RAMP1: variants seen among roughly 807,000 people sequenced by gnomAD.
The protein encoded by RAMP1 is receptor activity-modifying protein 1.
A neutral mutation model predicts 8.2 loss-of-function variants in RAMP1; 7 were observed. That is an observed-to-expected ratio of 0.85 (90% CI 0.49 to 1.60). The LOEUF is 1.60. RAMP1 is among the 40% of genes most tolerant of loss of function. The probability of loss-of-function intolerance (pLI) is 0.00; values close to 1 mark genes in which losing one functional copy is unlikely to be tolerated. For missense variants in RAMP1, 192 were observed against 202.4 expected, an observed-to-expected ratio of 0.95 and a Z score of 0.31; for synonymous variants, 92 against 84.7, an observed-to-expected ratio of 1.09 and a Z score of -0.47.
chr2:237,896,253 G>A (rs756057849), intron 2 of RAMP1, among the ~76,000 whole-genome samples: 4 of 152,232 alleles, frequency 2.6e-5, no homozygotes, highest in African/African-American at 9.6e-5. Flanking sequence ...TATTATGCCC[G>A]TCCGCCCGCC....
chr2:237,895,927 G>A (rs1309536689), intron 2 of RAMP1, among the ~76,000 whole-genome samples: 1 of 152,208 alleles, frequency 6.6e-6, no homozygotes, highest in Non-Finnish European at 1.5e-5. Flanking sequence ...GGCCTGGACA[G>A]GCCTGAGTGT....
At chr2:237,859,783 T>TCTCCC in intron 1 of RAMP1, 56 bp downstream of exon 1, 2 of 1,328,122 alleles carry the variant, frequency 1.5e-6, no homozygotes, top group Non-Finnish European at 2.0e-6. Context: ...GCCGGTGTCC[T>TCTCCC]CTAGGGGAGA....
At chr2:237,863,504 GCCA>G (rs1003622016) in intron 1 of RAMP1, among the ~76,000 whole-genome samples, 14 of 152,282 alleles carry the variant, frequency 9.2e-5, no homozygotes, top group Admixed American at 4.6e-4. Context: ...CGTCAACACG[GCCA>G]CCATAGGAGG....
intron 2 of RAMP1, among the ~76,000 whole-genome samples, chr2:237,907,583 C>T (rs2062666534): frequency 6.6e-6 from 1 of 151,926 alleles, no homozygotes; most frequent in Admixed American, 6.6e-5. Context: ...CCTCAGTTTT[C>T]GTGTCTGCTG....
intron 1 of RAMP1, among the ~76,000 whole-genome samples, chr2:237,876,590 C>G (rs2151008369): frequency 6.6e-6 from 1 of 152,296 alleles, no homozygotes; most frequent in Non-Finnish European, 1.5e-5. Context: ...GAGGCTCAGC[C>G]TGAGGAGGAA....
chr2:237,908,453 G>A (rs2062675072), intron 2 of RAMP1, among the ~76,000 whole-genome samples: 2 of 101,266 alleles, frequency 2.0e-5, no homozygotes, highest in African/African-American at 6.3e-5. Context: ...TTGAGACAGA[G>A]TCTTGCTCTG....
At chr2:237,893,209 T>A (rs1421316133) in intron 2 of RAMP1, among the ~76,000 whole-genome samples, 1 of 152,212 alleles carries the variant, frequency 6.6e-6, no homozygotes, top group Non-Finnish European at 1.5e-5. Flanking sequence ...TTCCATTGTC[T>A]CTGGGTGTTT....
intron 1 of RAMP1, among the ~76,000 whole-genome samples, chr2:237,867,849 T>C (rs941791499): frequency 2.5e-4 from 38 of 152,172 alleles, no homozygotes; most frequent in African/African-American, 8.7e-4. Context: ...CTTCCCAAGA[T>C]ACAGGTTGTG....
intron 2 of RAMP1, among the ~76,000 whole-genome samples, chr2:237,885,268 G>A (rs1160130893): frequency 6.6e-6 from 1 of 152,182 alleles, no homozygotes; most frequent in East Asian, 1.9e-4. Context: ...TGTCCTCCTG[G>A]ATTTCTGCTG....
At chr2:237,885,322 C>T (rs1289611973) in intron 2 of RAMP1, among the ~76,000 whole-genome samples, 1 of 152,208 alleles carries the variant, frequency 6.6e-6, no homozygotes, top group African/African-American at 2.4e-5. Flanking sequence ...TTCACAGAGC[C>T]CTGCCCGCCG....
At chr2:237,873,186 T>A (rs1212360696) in intron 1 of RAMP1, among the ~76,000 whole-genome samples, 1 of 152,220 alleles carries the variant, frequency 6.6e-6, no homozygotes, top group Non-Finnish European at 1.5e-5. Context: ...CACTCTCTGT[T>A]TAGCCACCAC....
intron 1 of RAMP1, among the ~76,000 whole-genome samples, chr2:237,870,893 C>A (rs1189468995): frequency 1.3e-5 from 2 of 152,286 alleles, no homozygotes; most frequent in African/African-American, 4.8e-5. Context: ...GCACAGCAAC[C>A]CCATCCAGCA....
chr2:237,881,250 T>C lies in RAMP1; in HGVS notation c.191+3888T>C, dbSNP rs7573445. Among the ~76,000 whole-genome samples, 967 of 152,344 alleles carry C rather than the reference T, an allele frequency of 6.3e-3. 19 individuals are homozygous for C. The East Asian group carries it at 0.073, about 12-fold the overall frequency. Reference sequence around the variant, plus strand: ...TGTCAGTGCAGAGGGAGCCTCCTCCTTCATTTTTACAGCTGTATAGTACTC... The same window carrying C: ...TGTCAGTGCAGAGGGAGCCTCCTCCCTCATTTTTACAGCTGTATAGTACTC... On this transcript the variant is annotated intron_variant, in intron 2 of 2. Coordinates refer to ENST00000254661, the MANE Select transcript of RAMP1 (RefSeq NM_005855.4).
intron 2 of RAMP1, among the ~76,000 whole-genome samples, chr2:237,889,319 AGTT>A (rs2062466844): frequency 1.3e-5 from 2 of 152,166 alleles, no homozygotes; most frequent in African/African-American, 4.8e-5. Flanking sequence ...GTGTCTTTGT[AGTT>A]GTTCTGTGTT....
intron 2 of RAMP1, among the ~76,000 whole-genome samples, chr2:237,889,100 C>G (rs1168025458): frequency 6.6e-6 from 1 of 152,134 alleles, no homozygotes; most frequent in East Asian, 1.9e-4. Flanking sequence ...TAACTATTTG[C>G]CATTGTGCTC....
intron 2 of RAMP1, among the ~76,000 whole-genome samples, chr2:237,895,155 T>G (rs1206239903): frequency 1.3e-5 from 2 of 152,040 alleles, no homozygotes; most frequent in African/African-American, 4.8e-5. Flanking sequence ...AGCCCTATGG[T>G]GGCGATTGTA....
chr2:237,892,939 CTCT>C (rs1195606877), intron 2 of RAMP1, among the ~76,000 whole-genome samples: 1 of 152,194 alleles, frequency 6.6e-6, no homozygotes, highest in African/African-American at 2.4e-5. Context: ...TCTGATAGGG[CTCT>C]TGTTTACTTA....
intron 1 of RAMP1, among the ~76,000 whole-genome samples, chr2:237,870,845 G>C (rs1404055622): frequency 6.6e-6 from 1 of 152,184 alleles, no homozygotes; most frequent in Non-Finnish European, 1.5e-5. Flanking sequence ...TCCAGTAAGA[G>C]TGAGCAACAC....
intron 2 of RAMP1, among the ~76,000 whole-genome samples, chr2:237,884,844 G>C (rs1000565652): frequency 1.4e-4 from 21 of 152,206 alleles, no homozygotes; most frequent in Admixed American, 8.5e-4. Flanking sequence ...GCCCTGCCCT[G>C]CCGACCCCAT....
Sources: allele counts gnomAD v4.1 joint callset (sites outside exome capture counted in the v4.1 genomes callset), GRCh38; gene constraint gnomAD v4.1.1; transcripts MANE v1.5; gene names NCBI Gene and HGNC (gene_info 2026-07-23, HGNC 2026-07-21).